KLHL1: variants seen among roughly 807,000 people sequenced by gnomAD.
KLHL1 encodes the protein kelch like family member 1.
In KLHL1, 47 loss-of-function variants were observed where a neutral mutation model predicts 77.7. That is an observed-to-expected ratio of 0.60 (90% CI 0.48 to 0.77). The LOEUF (loss-of-function observed/expected upper bound fraction) is 0.77. Ranked by LOEUF, KLHL1 falls within the 30% of genes least tolerant of loss-of-function variation. The pLI is 0.00. For synonymous variants in KLHL1, 360 were observed against 325.2 expected (o/e 1.11, Z -1.15); for missense variants, 925 against 910.8 (o/e 1.02, Z -0.20).
At chr13:69,748,878 T>G (rs895272553) in intron 7 of KLHL1, among the ~76,000 whole-genome samples, 23 of 152,004 alleles carry the variant, frequency 1.5e-4, no homozygotes, top group Non-Finnish European at 2.2e-4. Context: ...TCTCAAAACT[T>G]AAATTCCTCT....
At chr13:69,811,147 A>T (rs866620439) in intron 6 of KLHL1, among the ~76,000 whole-genome samples, 1 of 152,054 alleles carries the variant, frequency 6.6e-6, no homozygotes, top group Non-Finnish European at 1.5e-5. Flanking sequence ...CTGATAGCAA[A>T]ATCTGGTAAA....
At chr13:69,833,766 T>TAC (rs1434159317) in intron 6 of KLHL1, among the ~76,000 whole-genome samples, 8 of 129,456 alleles carry the variant, frequency 6.2e-5, no homozygotes, top group African/African-American at 2.2e-4. Context: ...TATATATATA[T>TAC]ACATACATAC....
chr13:69,998,050 A>C (rs1349201976), intron 1 of KLHL1, among the ~76,000 whole-genome samples: 1 of 151,932 alleles, frequency 6.6e-6, no homozygotes, highest in Non-Finnish European at 1.5e-5. Context: ...TGGTGATTGC[A>C]CAATTTTACA....
chr13:69,731,143 A>G, intron 8 of KLHL1, among the ~76,000 whole-genome samples: 1 of 152,304 alleles, frequency 6.6e-6, no homozygotes, highest in East Asian at 1.9e-4. Flanking sequence ...TGTGTGTATT[A>G]TTAAATATAT....
At chr13:69,925,261 C>T (rs973345642) in intron 4 of KLHL1, among the ~76,000 whole-genome samples, 7 of 152,228 alleles carry the variant, frequency 4.6e-5, no homozygotes, top group Admixed American at 2.6e-4. Context: ...GAGCACAGTT[C>T]AGTGAGCTAA....
At chr13:69,772,951 A>G (rs1486743468) in intron 7 of KLHL1, among the ~76,000 whole-genome samples, 3 of 152,140 alleles carry the variant, frequency 2.0e-5, no homozygotes, top group Non-Finnish European at 4.4e-5. Context: ...GGTTTCATTA[A>G]GAGGAATATT....
At chr13:69,824,140 T>G (rs1021372975) in intron 6 of KLHL1, among the ~76,000 whole-genome samples, 1 of 151,956 alleles carries the variant, frequency 6.6e-6, no homozygotes, top group Non-Finnish European at 1.5e-5. Context: ...AACATAAAAT[T>G]TTTCAAAAGC....
At chr13:69,886,208 A>G (rs1881211478) in intron 4 of KLHL1, among the ~76,000 whole-genome samples, 2 of 152,166 alleles carry the variant, frequency 1.3e-5, no homozygotes, top group Non-Finnish European at 2.9e-5. Context: ...CTTATTATAA[A>G]GAAAGATTTT....
At chr13:69,821,247 C>A (rs8001504) in intron 6 of KLHL1, among the ~76,000 whole-genome samples, 3 of 151,980 alleles carry the variant, frequency 2.0e-5, no homozygotes, top group East Asian at 1.9e-4. Context: ...TAAATTATTA[C>A]GAGAAAATAA....
chr13:69,905,970 T>C (rs1033590857), intron 4 of KLHL1, among the ~76,000 whole-genome samples: 9 of 152,088 alleles, frequency 5.9e-5, no homozygotes, highest in Non-Finnish European at 4.4e-5. Context: ...TTTAACATGA[T>C]GACCATGCTA....
At chr13:69,782,332 C>T (rs12858688) in intron 7 of KLHL1, among the ~76,000 whole-genome samples, 3,191 of 152,272 alleles carry the variant, frequency 0.021, 43 homozygotes, top group Non-Finnish European at 0.028. Context: ...GTGGGTGCAG[C>T]GCACCGTGTG....
chr13:70,016,985 C>A (rs1885675165), intron 1 of KLHL1, among the ~76,000 whole-genome samples: 1 of 152,170 alleles, frequency 6.6e-6, no homozygotes, highest in Non-Finnish European at 1.5e-5. Context: ...TGGGTCCCCT[C>A]TCCACTAAGA....
chr13:70,094,103 A>G (rs1392176483), intron 1 of KLHL1, among the ~76,000 whole-genome samples: 1 of 152,140 alleles, frequency 6.6e-6, no homozygotes, highest in Non-Finnish European at 1.5e-5. Context: ...TCTTCAAACA[A>G]GATATTATGT....
intron 4 of KLHL1, among the ~76,000 whole-genome samples, chr13:69,915,655 G>C (rs1465325586): frequency 6.6e-6 from 1 of 152,036 alleles, no homozygotes; most frequent in African/African-American, 2.4e-5. Flanking sequence ...AGAAAACCTA[G>C]GCAATACCAT....
At chr13:69,966,579 T>G (rs1177765206) in intron 2 of KLHL1, among the ~76,000 whole-genome samples, 1 of 152,158 alleles carries the variant, frequency 6.6e-6, no homozygotes, top group African/African-American at 2.4e-5. Context: ...GTCATATTAT[T>G]TTTAAAAAGT....
intron 9 of KLHL1, among the ~76,000 whole-genome samples, chr13:69,709,219 AC>A (rs1875766822): frequency 6.6e-6 from 1 of 152,048 alleles, no homozygotes; most frequent in African/African-American, 2.4e-5. Context: ...ATGCAGACAT[AC>A]ATAGACACAC....
At chr13:69,743,918 A>C (rs527650136) in intron 7 of KLHL1, among the ~76,000 whole-genome samples, 1 of 152,154 alleles carries the variant, frequency 6.6e-6, no homozygotes, top group Non-Finnish European at 1.5e-5. Context: ...TTTGAAAATT[A>C]TTTTTGGGGA....
chr13:70,054,531 T>C (rs1485715004), intron 1 of KLHL1, among the ~76,000 whole-genome samples: 3 of 152,090 alleles, frequency 2.0e-5, no homozygotes, highest in African/African-American at 4.8e-5. Flanking sequence ...TCACAAATAA[T>C]ATTGTCATGA....
intron 2 of KLHL1, among the ~76,000 whole-genome samples, chr13:69,962,321 C>T (rs1340007858): frequency 1.4e-4 from 21 of 151,984 alleles, no homozygotes; most frequent in Admixed American, 1.4e-3. Flanking sequence ...TTATCTGGTA[C>T]ATCTGGTGAA....
Sources: allele counts gnomAD v4.1 joint callset (sites outside exome capture counted in the v4.1 genomes callset), GRCh38; gene constraint gnomAD v4.1.1; transcripts MANE v1.5; gene names NCBI Gene and HGNC (gene_info 2026-07-23, HGNC 2026-07-21).